ARHGAP42: variants seen among roughly 807,000 people sequenced by gnomAD.
ARHGAP42 encodes the protein Rho GTPase activating protein 42, also known as rho GTPase-activating protein 42.
Under a neutral mutation model 125.0 loss-of-function variants are expected in ARHGAP42, and 63 were observed. The observed-to-expected ratio is 0.50, with a 90% CI of 0.41 to 0.62. The LOEUF is 0.62. Among genes scored for constraint, ARHGAP42 ranks in the 20% least tolerant of loss-of-function variants. ARHGAP42 has a pLI of 0.00. For missense variants in ARHGAP42, 766 were observed against 1,024.2 expected, an observed-to-expected ratio of 0.75 and a Z score of 3.44; for synonymous variants, 339 against 351.0, an observed-to-expected ratio of 0.97 and a Z score of 0.38.
intron 1 of ARHGAP42, among the ~76,000 whole-genome samples, chr11:100,689,140 A>G (rs1467532718): frequency 6.6e-6 from 1 of 152,356 alleles, no homozygotes; most frequent in Middle Eastern, 3.4e-3. Flanking sequence ...CAAGGTAAAG[A>G]TAATATATTT....
chr11:100,742,428 G>C (rs895530169), intron 1 of ARHGAP42, among the ~76,000 whole-genome samples: 5 of 152,116 alleles, frequency 3.3e-5, no homozygotes, highest in Non-Finnish European at 5.9e-5. Flanking sequence ...TACTTTTCAA[G>C]GTTCAGATAT....
intron 20 of ARHGAP42, 76 bp from the exon 21 acceptor site, chr11:100,976,739 G>A: frequency 1.3e-6 from 2 of 1,499,648 alleles, no homozygotes; most frequent in Non-Finnish European, 1.8e-6. Flanking sequence ...GCTTCCTTTT[G>A]TTATGCACAT....
intron 6 of ARHGAP42, among the ~76,000 whole-genome samples, chr11:100,928,456 A>G (rs1867486623): frequency 6.6e-6 from 1 of 151,992 alleles, no homozygotes; most frequent in African/African-American, 2.4e-5. Flanking sequence ...GCATGGTGTC[A>G]TGCGCCTGTA....
chr11:100,699,561 C>T (rs11224398), intron 1 of ARHGAP42, among the ~76,000 whole-genome samples: 1,804 of 107,070 alleles, frequency 0.017, 64 homozygotes, highest in Middle Eastern at 0.061. Flanking sequence ...TCACTCTTGT[C>T]ACCCAGGCTG....
chr11:100,704,974 A>AGCCTGGGTGAGCCTGG (rs1565535049), intron 1 of ARHGAP42, among the ~76,000 whole-genome samples: 2 of 72,526 alleles, frequency 2.8e-5, no homozygotes, highest in African/African-American at 1.0e-4. Flanking sequence ...GGTGAGCCTG[A>AGCCTGGGTGAGCCTGG]GTGAGCCTGG....
At chr11:100,861,427 A>C (rs1053901318) in intron 4 of ARHGAP42, among the ~76,000 whole-genome samples, 4 of 152,284 alleles carry the variant, frequency 2.6e-5, no homozygotes, top group African/African-American at 7.2e-5. Flanking sequence ...GAGTGATATC[A>C]TATTTGTATT....
chr11:100,981,439 G>GT (rs1176856430), intron 22 of ARHGAP42, among the ~76,000 whole-genome samples: 1 of 152,008 alleles, frequency 6.6e-6, no homozygotes, highest in Non-Finnish European at 1.5e-5. Context: ...TCTCATTTTT[G>GT]TTTTTTTCCT....
chr11:100,782,897 ACTTTC>A lies in ARHGAP42; in HGVS notation c.251-12205_251-12201del, dbSNP rs1367761390. Among the ~76,000 whole-genome samples, 26 of 152,302 alleles carry A rather than the reference ACTTTC, an allele frequency of 1.7e-4. 1 individual carries two copies. In the East Asian group the frequency reaches 5.0e-3, roughly 29 times the overall value. ...CCTTACAGATCTAATTGAAATATAC[ACTTTC>A]CTACTTAAATAGTTTAAATCTTTAA... On this transcript the variant is annotated intron_variant, in intron 2 of 23. Transcript: ENST00000298815.
chr11:100,877,411 C>T (rs561772059), intron 4 of ARHGAP42, among the ~76,000 whole-genome samples: 5 of 152,196 alleles, frequency 3.3e-5, no homozygotes, highest in Non-Finnish European at 7.3e-5. Flanking sequence ...CTTTACTATA[C>T]TTCTTTGCTC....
At chr11:100,903,279 A>G (rs1473131811) in intron 4 of ARHGAP42, among the ~76,000 whole-genome samples, 1 of 152,130 alleles carries the variant, frequency 6.6e-6, no homozygotes, top group Non-Finnish European at 1.5e-5. Flanking sequence ...CTTAGGAATA[A>G]GAAAAAAAAT....
intron 1 of ARHGAP42, among the ~76,000 whole-genome samples, chr11:100,763,355 TA>T (rs1424735458): frequency 3.9e-5 from 6 of 152,208 alleles, no homozygotes; most frequent in Non-Finnish European, 8.8e-5. Flanking sequence ...CTTTTTCAGG[TA>T]TCTGCTTTCT....
rs564850308 is a variant in ARHGAP42 at position 100,815,728 on chromosome 11, G to A, written c.312+20562G>A. On this transcript the variant is annotated intron_variant, in intron 3 of 23. Transcript: ENST00000298815. ...GTGGAGTAGTATTAAGTATATTCAC[G>A]TTATTATGCTACCAATCTCTAGAAC... 8.7e-4 allele frequency among the ~76,000 whole-genome samples: 133 copies of A among 152,136 alleles called. 2 individuals are homozygous for A. The South Asian group carries it at 0.025, about 29-fold the overall frequency.
intron 2 of ARHGAP42, among the ~76,000 whole-genome samples, chr11:100,780,716 A>G (rs1863291234): frequency 6.6e-6 from 1 of 152,188 alleles, no homozygotes; most frequent in Non-Finnish European, 1.5e-5. Context: ...TGGTTATACA[A>G]CTCATTTATT....
At chr11:100,884,684 C>A (rs930753991) in intron 4 of ARHGAP42, among the ~76,000 whole-genome samples, 3 of 152,148 alleles carry the variant, frequency 2.0e-5, no homozygotes, top group Non-Finnish European at 4.4e-5. Flanking sequence ...CGTGTCCCCC[C>A]AACCCCGTCC....
chr11:100,962,322 T>C, intron 15 of ARHGAP42, 87 bp from the exon 16 acceptor site: 1 of 995,050 alleles, frequency 1.0e-6, no homozygotes, highest in African/African-American at 1.6e-5. Flanking sequence ...TGAATAACAG[T>C]CACCTAATTC....
intron 2 of ARHGAP42, among the ~76,000 whole-genome samples, chr11:100,791,807 T>G (rs1300587575): frequency 1.3e-5 from 2 of 152,176 alleles, no homozygotes; most frequent in South Asian, 2.1e-4. Flanking sequence ...CATGTTAAAA[T>G]TTTTCTTCTC....
chr11:100,843,693 C>T (rs967135221), intron 3 of ARHGAP42, among the ~76,000 whole-genome samples: 1 of 151,918 alleles, frequency 6.6e-6, no homozygotes, highest in African/African-American at 2.4e-5. Flanking sequence ...AGAACTCAAT[C>T]CCTTTTACAA....
intron 1 of ARHGAP42, among the ~76,000 whole-genome samples, chr11:100,719,807 G>T (rs533540912): frequency 1.2e-4 from 19 of 152,320 alleles, no homozygotes; most frequent in Non-Finnish European, 2.6e-4. Context: ...GAAGAAAAAT[G>T]AAGCCCCTTC....
At chr11:100,688,047 A>G (rs1283613769) in intron 1 of ARHGAP42, 2 of 420,070 alleles carry the variant, frequency 4.8e-6, no homozygotes, top group Non-Finnish European at 8.4e-6. Flanking sequence ...AGTTCTCTAC[A>G]GGGCACTGGA....
Sources: allele counts gnomAD v4.1 joint callset (sites outside exome capture counted in the v4.1 genomes callset), GRCh38; gene constraint gnomAD v4.1.1; transcripts MANE v1.5; gene names NCBI Gene and HGNC (gene_info 2026-07-23, HGNC 2026-07-21).